The following PDZD2 variants were observed in gnomAD, a reference collection of about 807,000 sequenced individuals.
PDZD2 encodes the protein PDZ domain containing 2.
A neutral mutation model predicts 220.7 loss-of-function variants in PDZD2; 90 were observed. The observed-to-expected ratio is 0.41, with a 90% confidence interval of 0.34 to 0.49. The LOEUF is 0.49. Ranked by LOEUF, PDZD2 falls within the 20% of genes least tolerant of loss-of-function variation. The pLI, the probability that PDZD2 is intolerant of heterozygous loss-of-function variation, is 0.28. For synonymous variants in PDZD2, 1,375 were observed against 1,450.5 expected, an observed-to-expected ratio of 0.95 and a Z score of 1.18; for missense variants, 3,174 against 3,608.5, an observed-to-expected ratio of 0.88 and a Z score of 3.08.
intron 1 of PDZD2, chr5:31,725,706 T>G: frequency 2.2e-6 from 2 of 906,556 alleles, no homozygotes; most frequent in Non-Finnish European, 3.7e-6. Flanking sequence ...ATGCCTCTAG[T>G]TTTGGTATGA....
chr5:32,050,293 G>A (rs74803069), intron 8 of PDZD2, among the ~76,000 whole-genome samples: 3 of 152,272 alleles, frequency 2.0e-5, no homozygotes, highest in East Asian at 3.9e-4. Context: ...ATCGAGCGTT[G>A]AGGTAATTTC....
At chr5:31,723,393 C>T (rs985546967) in intron 1 of PDZD2, among the ~76,000 whole-genome samples, 2 of 151,514 alleles carry the variant, frequency 1.3e-5, no homozygotes, top group African/African-American at 2.4e-5. Context: ...CTTTTGTCCC[C>T]AAAACAATCT....
chr5:31,999,572 G>A (rs1751935463), intron 4 of PDZD2, among the ~76,000 whole-genome samples: 1 of 152,184 alleles, frequency 6.6e-6, no homozygotes, highest in Non-Finnish European at 1.5e-5. Context: ...TGCCGAGAGT[G>A]AGAGACTTTA....
At chr5:31,789,580 G>C (rs1337339355) in intron 1 of PDZD2, among the ~76,000 whole-genome samples, 1 of 152,208 alleles carries the variant, frequency 6.6e-6, no homozygotes, top group Non-Finnish European at 1.5e-5. Context: ...CTCCTTGTGA[G>C]CAATCTTTGG....
At chr5:32,025,589 TGC>T (rs1754581806) in intron 6 of PDZD2, among the ~76,000 whole-genome samples, 4 of 103,080 alleles carry the variant, frequency 3.9e-5, no homozygotes, top group Admixed American at 1.3e-4. Context: ...GTAACCATGA[TGC>T]TTTTTTTTTT....
intron 1 of PDZD2, among the ~76,000 whole-genome samples, chr5:31,693,619 GCT>G (rs141823946): frequency 0.14 from 20,793 of 152,064 alleles, 1,553 homozygotes; most frequent in East Asian, 0.24. Context: ...CCAGCAGGGA[GCT>G]CAGAGTCAAG....
intron 1 of PDZD2, among the ~76,000 whole-genome samples, chr5:31,666,788 A>G (rs1219845493): frequency 2.0e-5 from 3 of 152,194 alleles, no homozygotes; most frequent in Non-Finnish European, 4.4e-5. Context: ...TATCCAAGAT[A>G]TGGGGTCCGT....
At chr5:31,797,434 C>T (rs1754113788) in intron 1 of PDZD2, among the ~76,000 whole-genome samples, 1 of 151,996 alleles carries the variant, frequency 6.6e-6, no homozygotes, top group Non-Finnish European at 1.5e-5. Context: ...GCCTGGCCAA[C>T]AGAGTGAAAC....
chr5:31,902,638 A>G (rs1172914603), intron 2 of PDZD2, among the ~76,000 whole-genome samples: 3 of 150,108 alleles, frequency 2.0e-5, no homozygotes, highest in East Asian at 2.0e-4. Context: ...ATGCACCACC[A>G]TGCCTGCTAA....
intron 1 of PDZD2, among the ~76,000 whole-genome samples, chr5:31,662,188 A>G (rs142068652): frequency 0.013 from 1,966 of 152,196 alleles, 34 homozygotes; most frequent in African/African-American, 0.045. Flanking sequence ...GTGCATGCCT[A>G]TAATCCCAGC....
chr5:31,757,186 C>A (rs369402142), intron 1 of PDZD2, among the ~76,000 whole-genome samples: 4 of 151,978 alleles, frequency 2.6e-5, no homozygotes, highest in African/African-American at 9.7e-5. Flanking sequence ...CTCAGGAGGC[C>A]GAGACAGGAG....
intron 5 of PDZD2, among the ~76,000 whole-genome samples, chr5:32,001,147 A>T (rs948143989): frequency 6.6e-6 from 1 of 152,174 alleles, no homozygotes; most frequent in Non-Finnish European, 1.5e-5. Flanking sequence ...TCTTCCATGA[A>T]ACTGGTCTCT....
chr5:32,049,616 C>T (rs1738326948), intron 8 of PDZD2, among the ~76,000 whole-genome samples: 1 of 152,180 alleles, frequency 6.6e-6, no homozygotes, highest in Non-Finnish European at 1.5e-5. Context: ...GCCAGAACCT[C>T]TGTAAAGCTT....
intron 2 of PDZD2, chr5:31,823,153 GCAAAAAAAAAA>G: frequency 5.4e-5 from 4 of 74,054 alleles, no homozygotes; most frequent in Middle Eastern, 7.5e-3. Flanking sequence ...AGTAGACGTG[GCAAAAAAAAAA>G]AAAAAAAAAA....
At chr5:32,102,176 G>A (rs1424856248) in intron 24 of PDZD2, among the ~76,000 whole-genome samples, 2 of 152,088 alleles carry the variant, frequency 1.3e-5, no homozygotes, top group African/African-American at 2.4e-5. Context: ...ATCAAAAGTG[G>A]AAATGAAGCC....
chr5:32,006,704 T>TTC (rs1554023345), intron 5 of PDZD2, among the ~76,000 whole-genome samples: 2 of 131,506 alleles, frequency 1.5e-5, no homozygotes, highest in African/African-American at 3.2e-5. Context: ...TTTTTTTTTT[T>TTC]CCTGAGACAG....
chr5:31,753,573 C>T (rs965053830), intron 1 of PDZD2, among the ~76,000 whole-genome samples: 3 of 151,876 alleles, frequency 2.0e-5, no homozygotes, highest in African/African-American at 2.4e-5. Context: ...TGCATTCCAG[C>T]CTGGGCAACA....
intron 6 of PDZD2, among the ~76,000 whole-genome samples, chr5:32,011,253 C>T (rs1440639529): frequency 1.3e-5 from 2 of 151,676 alleles, no homozygotes; most frequent in Admixed American, 6.6e-5. Context: ...CCTTGGGAGG[C>T]CAAGGTGGGT....
intron 2 of PDZD2, among the ~76,000 whole-genome samples, chr5:31,914,290 G>C (rs945027076): frequency 3.9e-5 from 6 of 152,210 alleles, no homozygotes; most frequent in Non-Finnish European, 8.8e-5. Flanking sequence ...CCAATACTTT[G>C]GGGGGCTGAG....
Sources: gnomAD v4.1 joint callset for allele counts (sites outside exome capture counted in the v4.1 genomes callset) on GRCh38, gnomAD v4.1.1 for gene constraint, MANE v1.5 for transcripts, NCBI Gene and HGNC (gene_info 2026-07-23, HGNC 2026-07-21) for gene names.